Variants in SYNRG observed in about 807,000 individuals in gnomAD.
SYNRG encodes synergin gamma, also known as AP1 gamma subunit binding protein 1.
In SYNRG, 37 loss-of-function variants were observed where a neutral mutation model predicts 130.9. The ratio of observed to expected loss-of-function variants is 0.28; its 90% CI spans 0.22 to 0.37. The LOEUF is 0.37. SYNRG is among the 10% of genes least tolerant of loss of function. The probability of loss-of-function intolerance (pLI) is 1.00; values close to 1 mark genes in which losing one functional copy is unlikely to be tolerated. For missense variants in SYNRG, 1,338 were observed against 1,588.9 expected, an observed-to-expected ratio of 0.84 and a Z score of 2.68; for synonymous variants, 539 against 568.1, an observed-to-expected ratio of 0.95 and a Z score of 0.73.
intron 6 of SYNRG, among the ~76,000 whole-genome samples, chr17:37,580,331 G>A (rs2061198233): frequency 6.8e-6 from 1 of 148,108 alleles, no homozygotes; most frequent in Admixed American, 6.7e-5. Flanking sequence ...ATCTTGCTGT[G>A]ATGCCCAGGC....
chr17:37,593,815 C>T (rs999316706), intron 3 of SYNRG, among the ~76,000 whole-genome samples: 2 of 146,812 alleles, frequency 1.4e-5, no homozygotes, highest in South Asian at 2.1e-4. Context: ...ACCTGGGAGG[C>T]GGAGGTTGCA....
intron 11 of SYNRG, 143 bp downstream of exon 11, chr17:37,568,647 AG>A (rs1356311806): frequency 1.5e-4 from 126 of 844,894 alleles, no homozygotes; most frequent in Non-Finnish European, 2.0e-4. Context: ...GAAAAGTAAA[AG>A]TATTAATACA....
At chr17:37,576,488 GT>G in intron 7 of SYNRG, 70 bp from the exon 8 acceptor site, 4 of 1,465,984 alleles carry the variant, frequency 2.7e-6, no homozygotes, top group Non-Finnish European at 3.7e-6. Context: ...CTGAGTCATG[GT>G]TTTTTACAAA....
chr17:37,525,734 A>C (rs1013797438), intron 19 of SYNRG, among the ~76,000 whole-genome samples: 5 of 151,920 alleles, frequency 3.3e-5, no homozygotes, highest in Non-Finnish European at 7.4e-5. Flanking sequence ...TTGGGAGGCC[A>C]AGGCGGGCGG....
intron 21 of SYNRG, among the ~76,000 whole-genome samples, chr17:37,519,967 C>G (rs1175791333): frequency 6.6e-6 from 1 of 152,146 alleles, no homozygotes; most frequent in African/African-American, 2.4e-5. Flanking sequence ...ACACCAGAAG[C>G]CAATTATGTG....
intron 13 of SYNRG, 69 bp from the exon 14 acceptor site, chr17:37,554,128 A>G: frequency 1.4e-6 from 2 of 1,395,064 alleles, no homozygotes; most frequent in Non-Finnish European, 2.0e-6. Context: ...ACAGTATATT[A>G]AACTGCAAGC....
At chr17:37,598,375 A>G (rs1355919820) in intron 2 of SYNRG, among the ~76,000 whole-genome samples, 3 of 152,248 alleles carry the variant, frequency 2.0e-5, no homozygotes, top group African/African-American at 7.2e-5. Flanking sequence ...CACCAAGTAC[A>G]AAGATCACGA....
chr17:37,585,196 C>A, intron 5 of SYNRG, 129 bp downstream of exon 5: 1 of 730,618 alleles, frequency 1.4e-6, no homozygotes, highest in Non-Finnish European at 2.3e-6. Context: ...TTAGGTAAAC[C>A]AAAATGAGAA....
intron 3 of SYNRG, among the ~76,000 whole-genome samples, chr17:37,594,875 A>C (rs77888073): frequency 0.03 from 4,575 of 152,304 alleles, 91 homozygotes; most frequent in Non-Finnish European, 0.043. Context: ...AGAAGTGACT[A>C]ATAAATGCTA....
chr17:37,519,447 T>G (rs1430188977), intron 21 of SYNRG, among the ~76,000 whole-genome samples: 1 of 152,174 alleles, frequency 6.6e-6, no homozygotes, highest in African/African-American at 2.4e-5. Flanking sequence ...GGCATCTGAC[T>G]ACAGCATGCA....
intron 19 of SYNRG, among the ~76,000 whole-genome samples, chr17:37,523,442 G>A (rs972475539): frequency 1.3e-5 from 2 of 152,246 alleles, no homozygotes; most frequent in African/African-American, 4.8e-5. Flanking sequence ...TTAGAGGCAT[G>A]AGCCACTGCA....
intron 19 of SYNRG, among the ~76,000 whole-genome samples, chr17:37,527,974 G>A (rs926256276): frequency 1.2e-4 from 18 of 152,194 alleles, no homozygotes; most frequent in Non-Finnish European, 2.1e-4. Flanking sequence ...AGAAAGTGAT[G>A]CAGCTGTCTT....
chr17:37,534,145 T>C (rs1291097493), intron 19 of SYNRG, among the ~76,000 whole-genome samples: 2 of 149,656 alleles, frequency 1.3e-5, no homozygotes, highest in Non-Finnish European at 3.0e-5. Flanking sequence ...GGTTTCACCA[T>C]TTTGGCCAGG....
chr17:37,561,479 G>A lies in SYNRG; in HGVS notation c.1592C>T (p.Pro531Leu), dbSNP rs371646643. 64 of 1,612,492 alleles carry A rather than the reference G, an allele frequency of 4.0e-5. No individual in the cohort carries two copies. Among genetic ancestry groups the A allele is most frequent in the Admixed American group, 1.2e-4 (7 of 59,976 alleles). Residue 531 changes from proline (P) to leucine (L), a missense_variant, in exon 12 of 22, where the codon CCA becomes CTA. Transcript: ENST00000612223. Reference sequence around the variant, plus strand: ...ATTTACCAACTTTTTACCTCCAGGTGGAACAGTATTTTCAGAGGACTTGTC... The same window carrying A: ...ATTTACCAACTTTTTACCTCCAGGTAGAACAGTATTTTCAGAGGACTTGTC... ...AADKSSENTV[P>L]PGDPGDKYSA...
intron 11 of SYNRG, among the ~76,000 whole-genome samples, chr17:37,565,203 G>T (rs1259081140): frequency 1.3e-5 from 2 of 152,114 alleles, no homozygotes. Flanking sequence ...GGCAGAAGTT[G>T]CAGTGAGCCG....
At chr17:37,558,289 T>C (rs2059267236) in intron 13 of SYNRG, among the ~76,000 whole-genome samples, 1 of 152,136 alleles carries the variant, frequency 6.6e-6, no homozygotes, top group African/African-American at 2.4e-5. Context: ...ACCTACCTTC[T>C]CTCCCCTACC....
chr17:37,533,100 T>G (rs79907838), intron 19 of SYNRG, among the ~76,000 whole-genome samples: 2 of 152,188 alleles, frequency 1.3e-5, no homozygotes, highest in Non-Finnish European at 2.9e-5. Context: ...AGAAATTTCT[T>G]TCTGATATTC....
At chr17:37,603,031 T>TCAAAACAAAA (rs569309142) in intron 1 of SYNRG, among the ~76,000 whole-genome samples, 1 of 151,944 alleles carries the variant, frequency 6.6e-6, no homozygotes, top group Non-Finnish European at 1.5e-5. Context: ...AGACTCTGTC[T>TCAAAACAAAA]CAAAACAAAA....
At chr17:37,568,733 TG>T in intron 11 of SYNRG, 57 bp downstream of exon 11, 1 of 1,579,752 alleles carries the variant, frequency 6.3e-7, no homozygotes, top group Non-Finnish European at 8.6e-7. Flanking sequence ...CTTCCTATTA[TG>T]GATGCCTCTT....
Sources: gnomAD v4.1 joint callset for allele counts (sites outside exome capture counted in the v4.1 genomes callset) on GRCh38, gnomAD v4.1.1 for gene constraint, MANE v1.5 for transcripts, NCBI Gene and HGNC (gene_info 2026-07-23, HGNC 2026-07-21) for gene names.